Variants in GLRA3 observed in about 807,000 individuals in gnomAD.
The protein encoded by GLRA3 is glycine receptor subunit alpha-3.
GLRA3 carries 44 observed loss-of-function variants against 60.4 expected under a neutral mutation model. That is an observed-to-expected ratio of 0.73 (90% CI 0.57 to 0.94). The LOEUF is 0.94. GLRA3 is among the 40% of genes least tolerant of loss of function. GLRA3 has a pLI of 0.00. For synonymous variants in GLRA3, 223 were observed against 192.9 expected, an observed-to-expected ratio of 1.16 and a Z score of -1.29; for missense variants, 508 against 564.6, an observed-to-expected ratio of 0.90 and a Z score of 1.02.
chr4:174,710,405 T>C (rs1053844463), intron 5 of GLRA3, among the ~76,000 whole-genome samples: 14 of 152,166 alleles, frequency 9.2e-5, no homozygotes, highest in African/African-American at 3.4e-4. Context: ...CACCTTCTTT[T>C]TTCAGATTAA....
intron 5 of GLRA3, among the ~76,000 whole-genome samples, chr4:174,697,848 G>T (rs1003156288): frequency 6.6e-6 from 1 of 152,188 alleles, no homozygotes; most frequent in East Asian, 1.9e-4. Context: ...AGAAATTTCA[G>T]TGAAAATCAG....
chr4:174,682,949 A>G lies in GLRA3; in HGVS notation c.575-10T>C, dbSNP rs200903692. 10 of 1,605,080 alleles carry G rather than the reference A, an allele frequency of 6.2e-6. No individual in the cohort carries two copies. The African/African-American group carries it at 1.3e-4, about 21-fold the overall frequency. On this transcript the variant is annotated splice_polypyrimidine_tract_variant and intron_variant, in intron 5 of 9. Coordinates refer to ENST00000274093, the MANE Select transcript of GLRA3 (RefSeq NM_006529.4). ...TTCATTGTGTACCCAACTAGGCAAA[A>G]CATAATAAAAATATGAATAGTCTAA...
At chr4:174,790,713 G>A (rs1181521042) in intron 1 of GLRA3, among the ~76,000 whole-genome samples, 2 of 150,996 alleles carry the variant, frequency 1.3e-5, no homozygotes, top group African/African-American at 4.9e-5. Flanking sequence ...GGGTGCGGTG[G>A]CTCACGCCTG....
intron 1 of GLRA3, among the ~76,000 whole-genome samples, chr4:174,825,323 C>T (rs1435339421): frequency 1.3e-5 from 2 of 151,984 alleles, no homozygotes; most frequent in African/African-American, 4.8e-5. Flanking sequence ...CCAAAACATA[C>T]CAAAAGCAAA....
At chr4:174,713,777 A>G (rs1277420728) in intron 5 of GLRA3, 1 of 152,120 alleles carries the variant, frequency 6.6e-6, no homozygotes, top group African/African-American at 2.4e-5. Context: ...TTTCCTCTCT[A>G]CATTCGCCTC....
rs115842512 is a variant in GLRA3 at position 174,743,133 on chromosome 4, C to T, written c.268-14435G>A. ...GAGTTTCTGTAAACCTTTTATACAGCTTCTGCTAATGTTAATATTTTACAT... is the reference window on the plus strand; with the variant it reads ...GAGTTTCTGTAAACCTTTTATACAGTTTCTGCTAATGTTAATATTTTACAT... On this transcript the variant is annotated intron_variant, in intron 3 of 9. Transcript: ENST00000274093. Among the ~76,000 whole-genome samples the T allele has an allele frequency of 5.2e-3, 793 of 152,188 alleles. 5 individuals carry two copies. Among genetic ancestry groups the T allele is most frequent in the African/African-American group, 0.018 (751 of 41,532 alleles).
At chr4:174,778,172 T>G (rs13150211) in intron 2 of GLRA3, among the ~76,000 whole-genome samples, 1 of 152,138 alleles carries the variant, frequency 6.6e-6, no homozygotes, top group Non-Finnish European at 1.5e-5. Context: ...AGGCCTGTGG[T>G]CTGCGCCTGG....
chr4:174,713,886 C>G (rs1244131334), intron 5 of GLRA3: 1 of 152,192 alleles, frequency 6.6e-6, no homozygotes, highest in African/African-American at 2.4e-5. Flanking sequence ...CTAAATTTCC[C>G]AGACCTCAAA....
At chr4:174,719,486 A>T (rs1290021940) in intron 4 of GLRA3, among the ~76,000 whole-genome samples, 1 of 152,200 alleles carries the variant, frequency 6.6e-6, no homozygotes, top group African/African-American at 2.4e-5. Flanking sequence ...AACCTACATA[A>T]ATAATTCTTC....
chr4:174,689,482 G>A (rs1172128825), intron 5 of GLRA3, among the ~76,000 whole-genome samples: 1 of 151,998 alleles, frequency 6.6e-6, no homozygotes, highest in Non-Finnish European at 1.5e-5. Context: ...TGCATAGATT[G>A]CATAGCATTG....
intron 1 of GLRA3, among the ~76,000 whole-genome samples, chr4:174,807,939 G>A (rs1330222887): frequency 6.6e-6 from 1 of 152,072 alleles, no homozygotes; most frequent in Non-Finnish European, 1.5e-5. Flanking sequence ...AGAATCCTAG[G>A]AGCTGATCCA....
intron 1 of GLRA3, among the ~76,000 whole-genome samples, chr4:174,796,116 G>A (rs1186312473): frequency 6.6e-6 from 1 of 152,090 alleles, no homozygotes; most frequent in Non-Finnish European, 1.5e-5. Context: ...CCTTTGGGAG[G>A]AGATTCGGTC....
chr4:174,676,559 A>G (rs753272654), intron 7 of GLRA3, among the ~76,000 whole-genome samples: 1 of 152,130 alleles, frequency 6.6e-6, no homozygotes, highest in African/African-American at 2.4e-5. Flanking sequence ...ATGGATATAT[A>G]TGTGTGTTTC....
chr4:174,819,389 G>A (rs1351618342), intron 1 of GLRA3, among the ~76,000 whole-genome samples: 3 of 152,094 alleles, frequency 2.0e-5, no homozygotes, highest in African/African-American at 7.2e-5. Flanking sequence ...GAAAACTTGA[G>A]GGCCCATGTG....
intron 3 of GLRA3, among the ~76,000 whole-genome samples, chr4:174,731,977 A>T (rs1736565025): frequency 6.6e-6 from 1 of 152,272 alleles, no homozygotes; most frequent in Non-Finnish European, 1.5e-5. Flanking sequence ...TGGGCTGTTA[A>T]AAATGAGACT....
chr4:174,740,806 T>C (rs1011919987), intron 3 of GLRA3, among the ~76,000 whole-genome samples: 2 of 152,230 alleles, frequency 1.3e-5, no homozygotes, highest in African/African-American at 4.8e-5. Flanking sequence ...TGATGCCTTC[T>C]TCATCCTCAT....
intron 1 of GLRA3, among the ~76,000 whole-genome samples, chr4:174,812,633 A>G (rs1254216930): frequency 6.6e-6 from 1 of 152,144 alleles, no homozygotes; most frequent in African/African-American, 2.4e-5. Context: ...GTGTCATTCA[A>G]TTTCACTCTA....
chr4:174,741,015 T>C (rs1426810070), intron 3 of GLRA3, among the ~76,000 whole-genome samples: 1 of 152,242 alleles, frequency 6.6e-6, no homozygotes, highest in African/African-American at 2.4e-5. Context: ...TATTTTGTGA[T>C]TATGGATAAT....
chr4:174,754,195 A>ATT (rs1737598667), intron 3 of GLRA3, among the ~76,000 whole-genome samples: 1 of 152,096 alleles, frequency 6.6e-6, no homozygotes, highest in African/African-American at 2.4e-5. Flanking sequence ...TTAAGCAGAG[A>ATT]TTTATTCATA....
Sources: allele counts gnomAD v4.1 joint callset (sites outside exome capture counted in the v4.1 genomes callset), GRCh38; gene constraint gnomAD v4.1.1; transcripts MANE v1.5; gene names NCBI Gene and HGNC (gene_info 2026-07-23, HGNC 2026-07-21).